The following SNTG1 variants were observed in gnomAD, a reference collection of about 807,000 sequenced individuals.
SNTG1 encodes syntrophin gamma 1.
A neutral mutation model predicts 74.7 loss-of-function variants in SNTG1; 39 were observed. That is an observed-to-expected ratio of 0.52 (90% CI 0.40 to 0.68). The LOEUF (loss-of-function observed/expected upper bound fraction) is 0.68, where lower values mean the gene tolerates loss of function less well. Ranked by LOEUF, SNTG1 falls within the 30% of genes least tolerant of loss-of-function variation. SNTG1 has a pLI of 0.00. For synonymous variants in SNTG1, 254 were observed against 217.1 expected, an observed-to-expected ratio of 1.17 and a Z score of -1.49; for missense variants, 685 against 609.5, an observed-to-expected ratio of 1.12 and a Z score of -1.30.
At chr8:50,296,263 G>T (rs969082038) in intron 2 of SNTG1, among the ~76,000 whole-genome samples, 1 of 152,118 alleles carries the variant, frequency 6.6e-6, no homozygotes, top group Non-Finnish European at 1.5e-5. Context: ...CCATTACTGG[G>T]AATATACCCA....
At chr8:50,536,955 G>T (rs1395106350) in intron 11 of SNTG1, 147 bp downstream of exon 11, 1 of 1,037,038 alleles carries the variant, frequency 9.6e-7, no homozygotes, top group African/African-American at 1.6e-5. Flanking sequence ...ATCTAACAAA[G>T]TTAAACACTT....
chr8:50,762,644 G>C, intron 18 of SNTG1: 1 of 433,144 alleles, frequency 2.3e-6, no homozygotes, highest in South Asian at 1.8e-5. Flanking sequence ...GTTCTTATTA[G>C]CATCTGTGTA....
In SNTG1 at chr8:50,671,696, A is replaced by G. The variant is rs549297481; in HGVS notation, c.1038+13033A>G. Reference sequence around the variant, plus strand: ...TGACCCAGCAATCCCATTCCTAGGTATATACCCAAAGGACTATAAATCATG... The same window carrying G: ...TGACCCAGCAATCCCATTCCTAGGTGTATACCCAAAGGACTATAAATCATG... On this transcript the variant is annotated intron_variant, in intron 15 of 18. Transcript: ENST00000642720. Among the ~76,000 whole-genome samples, 453 of 151,360 alleles carry G rather than the reference A, an allele frequency of 3.0e-3. 3 individuals carry two copies. Among genetic ancestry groups the G allele is most frequent in the African/African-American group, 0.011 (438 of 41,402 alleles).
At chr8:50,328,406 G>A (rs187376406) in intron 2 of SNTG1, among the ~76,000 whole-genome samples, 38 of 152,226 alleles carry the variant, frequency 2.5e-4, no homozygotes, top group African/African-American at 6.0e-4. Flanking sequence ...AGTAATACCC[G>A]AGACTGGGTA....
At chr8:50,563,196 A>G (rs999860843) in intron 12 of SNTG1, among the ~76,000 whole-genome samples, 7 of 152,192 alleles carry the variant, frequency 4.6e-5, no homozygotes, top group Admixed American at 4.6e-4. Flanking sequence ...CAGATCACAC[A>G]GCAACTACTG....
rs1185964834 is a variant in SNTG1, at chr8:50,124,876, T to C, written c.-102-47685T>C. ...TAAATACTCCATAGAATTTTTGAAA[T>C]ATTTGTTGTGTTAAAGGGTTTGTAA... On this transcript the variant is annotated intron_variant, in intron 1 of 18. Coordinates refer to ENST00000642720, the MANE Select transcript of SNTG1 (RefSeq NM_018967.5). Among the ~76,000 whole-genome samples, 7 of 141,872 alleles carry C rather than the reference T, an allele frequency of 4.9e-5. 2 individuals carry two copies. The highest frequency in any genetic ancestry group is 9.4e-5 in the Non-Finnish European group (6 of 63,760). 93.1% of individuals were successfully genotyped at this position (141,872 alleles called of 152,430 possible). A position where few individuals can be genotyped will look rare whatever the true frequency, so the allele number is the denominator to read the frequency against.
intron 4 of SNTG1, among the ~76,000 whole-genome samples, chr8:50,433,375 T>C (rs781536642): frequency 2.0e-5 from 3 of 152,186 alleles, no homozygotes; most frequent in Non-Finnish European, 4.4e-5. Flanking sequence ...CATCAAGATA[T>C]TGAATGGCAA....
At chr8:50,617,230 G>T (rs1222086092) in intron 13 of SNTG1, among the ~76,000 whole-genome samples, 2 of 152,078 alleles carry the variant, frequency 1.3e-5, no homozygotes, top group African/African-American at 4.8e-5. Context: ...GGAAGGGAAG[G>T]AACCTGCTAA....
chr8:50,596,016 G>A lies in SNTG1; in HGVS notation c.849+5099G>A, dbSNP rs74362937. Among the ~76,000 whole-genome samples, 1,358 of 152,014 alleles carry A rather than the reference G, an allele frequency of 8.9e-3. 26 individuals are homozygous for A. Among genetic ancestry groups the A allele is most frequent in the African/African-American group, 0.031 (1,290 of 41,484 alleles). Reference sequence around the variant, plus strand: ...AGTAGTGTAATAACTCAATATTATGGTTGTGTATTTTGAACATTTTAAGAA... The same window carrying A: ...AGTAGTGTAATAACTCAATATTATGATTGTGTATTTTGAACATTTTAAGAA... On this transcript the variant is annotated intron_variant, in intron 13 of 18. Transcript: ENST00000642720.
chr8:50,681,935 T>A (rs920413965), intron 15 of SNTG1, among the ~76,000 whole-genome samples: 1 of 152,206 alleles, frequency 6.6e-6, no homozygotes, highest in African/African-American at 2.4e-5. Flanking sequence ...TTCTGACTTT[T>A]CAGTTGCTCT....
intron 2 of SNTG1, among the ~76,000 whole-genome samples, chr8:50,340,733 C>T (rs545839959): frequency 3.3e-5 from 5 of 151,932 alleles, no homozygotes; most frequent in African/African-American, 9.6e-5. Context: ...AAAAATTGGA[C>T]TTCCTTAAAA....
chr8:50,369,383 G>T (rs1344223638), intron 2 of SNTG1, among the ~76,000 whole-genome samples: 1 of 152,146 alleles, frequency 6.6e-6, no homozygotes, highest in Non-Finnish European at 1.5e-5. Flanking sequence ...GATCACATGA[G>T]GTTGAGAGTT....
At chr8:50,320,400 C>CT (rs1455579893) in intron 2 of SNTG1, among the ~76,000 whole-genome samples, 1 of 151,834 alleles carries the variant, frequency 6.6e-6, no homozygotes, top group Admixed American at 6.6e-5. Flanking sequence ...ATTTTTTTCT[C>CT]TTTTTTTCAT....
chr8:50,297,819 T>C (rs1230597025), intron 2 of SNTG1, among the ~76,000 whole-genome samples: 1 of 151,728 alleles, frequency 6.6e-6, no homozygotes, highest in Non-Finnish European at 1.5e-5. Flanking sequence ...AAGAGGGGAT[T>C]ATTGTGGTGT....
At chr8:49,938,237 C>T (rs1421550030) in intron 1 of SNTG1, among the ~76,000 whole-genome samples, 2 of 152,162 alleles carry the variant, frequency 1.3e-5, no homozygotes, top group Non-Finnish European at 2.9e-5. Flanking sequence ...AATTGTCTCT[C>T]GAATCTCATA....
At chr8:50,333,565 A>T (rs1002034112) in intron 2 of SNTG1, among the ~76,000 whole-genome samples, 1 of 152,178 alleles carries the variant, frequency 6.6e-6, no homozygotes, top group Non-Finnish European at 1.5e-5. Flanking sequence ...ATTTCTTATT[A>T]TGCTGGAAAC....
intron 13 of SNTG1, among the ~76,000 whole-genome samples, chr8:50,637,375 A>C (rs111413243): frequency 4.6e-5 from 7 of 151,896 alleles, no homozygotes; most frequent in Non-Finnish European, 1.0e-4. Context: ...CACGAAGTTA[A>C]TTCAATTAGG....
chr8:50,634,422 T>C (rs967386326), intron 13 of SNTG1, among the ~76,000 whole-genome samples: 1 of 152,194 alleles, frequency 6.6e-6, no homozygotes, highest in Admixed American at 6.5e-5. Flanking sequence ...CATTTCATCT[T>C]TGAGCTTTTC....
chr8:50,704,814 G>A (rs2095438198), intron 16 of SNTG1, 62 bp downstream of exon 16: 1 of 1,563,108 alleles, frequency 6.4e-7, no homozygotes, highest in African/African-American at 1.4e-5. Context: ...CTTCCCTAGA[G>A]TTCTAATATC....
Sources: gnomAD v4.1 joint callset for allele counts (sites outside exome capture counted in the v4.1 genomes callset) on GRCh38, gnomAD v4.1.1 for gene constraint, MANE v1.5 for transcripts, NCBI Gene and HGNC (gene_info 2026-07-23, HGNC 2026-07-21) for gene names.